DCAF1: variants seen among roughly 807,000 people sequenced by gnomAD.
The protein encoded by DCAF1 is DDB1- and CUL4-associated factor 1.
Under a neutral mutation model 128.0 loss-of-function variants are expected in DCAF1, and 15 were observed. The ratio of observed to expected loss-of-function variants is 0.12; its 90% CI spans 0.08 to 0.18. DCAF1 has a LOEUF of 0.18. Among genes scored for constraint, DCAF1 ranks in the 10% least tolerant of loss-of-function variants. The pLI is 1.00. For missense variants in DCAF1, 988 were observed against 1,649.5 expected (o/e 0.60, Z 6.95); for synonymous variants, 610 against 603.0 (o/e 1.01, Z -0.17).
intron 23 of DCAF1, among the ~76,000 whole-genome samples, chr3:51,406,349 A>C (rs1553626628): frequency 1.3e-5 from 2 of 151,046 alleles, no homozygotes; most frequent in Non-Finnish European, 1.5e-5. Flanking sequence ...TCTCAAAAAA[A>C]AAAAAAAAAA....
At chr3:51,414,178 C>T in intron 19 of DCAF1, 135 bp from the exon 20 acceptor site, 2 of 1,198,888 alleles carry the variant, frequency 1.7e-6, no homozygotes, top group Non-Finnish European at 2.2e-6. Flanking sequence ...CAAGGTAAAA[C>T]AAATACATGT....
downstream of DCAF1, chr3:51,396,872 TCAGTACCAG>T (rs1429378821): frequency 1.2e-5 from 2 of 167,076 alleles, no homozygotes; most frequent in Non-Finnish European, 2.9e-5. Flanking sequence ...TCTGATGCCA[TCAGTACCAG>T]CAGTCAGACT....
At chr3:51,457,344 G>A (rs937038604) in intron 6 of DCAF1, among the ~76,000 whole-genome samples, 8 of 152,056 alleles carry the variant, frequency 5.3e-5, no homozygotes, top group African/African-American at 1.2e-4. Context: ...GAAATGAAGC[G>A]AGAAGAGAAG....
chr3:51,481,128 T>C (rs1480233972), intron 3 of DCAF1, among the ~76,000 whole-genome samples: 1 of 152,180 alleles, frequency 6.6e-6, no homozygotes, highest in African/African-American at 2.4e-5. Context: ...TATGCATTGA[T>C]TTCTTACTTT....
downstream of DCAF1, chr3:51,396,550 G>A (rs1553623032): frequency 6.0e-6 from 1 of 167,104 alleles, no homozygotes. Context: ...TTCAGGCCCT[G>A]TCTAAGGTGT....
chr3:51,487,778 C>T (rs1411236434), intron 2 of DCAF1, among the ~76,000 whole-genome samples: 1 of 152,024 alleles, frequency 6.6e-6, no homozygotes, highest in Non-Finnish European at 1.5e-5. Context: ...TGGGCTCAAG[C>T]AATCTTCCTG....
At chr3:51,438,498 T>C (rs949886462) in intron 9 of DCAF1, among the ~76,000 whole-genome samples, 7 of 152,020 alleles carry the variant, frequency 4.6e-5, no homozygotes, top group East Asian at 1.9e-4. Flanking sequence ...TGAAGTTGAA[T>C]TGTAAAGTCT....
In DCAF1 at chr3:51,414,702, G is replaced by A. The variant is rs1698724908; in HGVS notation, c.3759C>T (p.His1253=). The part of the protein sequence containing the change: ...LWDVRSAQAI[H]KFDKFNMNIS... The stretch of plus-strand genomic sequence containing the variant: ...TGTTCATATTGAACTTGTCAAACTT[G>A]TGGATGGCCTGTGCAGAGCGGACAT... Residue 1253 remains histidine, a synonymous_variant, in exon 19 of 25, where the codon CAC becomes CAT. Coordinates refer to ENST00000684031, the MANE Select transcript of DCAF1 (RefSeq NM_001387579.1). The A allele has an allele frequency of 1.2e-6, 2 of 1,613,978 alleles. No homozygotes were observed. Among genetic ancestry groups the A allele is most frequent in the Non-Finnish European group, 1.7e-6 (2 of 1,179,900 alleles).
chr3:51,462,522 G>T (rs1216193713), intron 6 of DCAF1, among the ~76,000 whole-genome samples: 2 of 152,096 alleles, frequency 1.3e-5, no homozygotes, highest in Non-Finnish European at 2.9e-5. Context: ...GAGGCAGGTG[G>T]ATCACCTGAG....
At position 51,422,331 on chromosome 3, in the gene DCAF1, C is replaced by T. The variant is rs1553632759; in HGVS notation, c.1948G>A (p.Ala650Thr). Residue 650 changes from alanine (A) to threonine (T), a missense_variant, in exon 14 of 25, where the codon GCT becomes ACT. Ala to Thr is a moderately conservative substitution (Grantham distance 58). Coordinates refer to ENST00000684031, the MANE Select transcript of DCAF1 (RefSeq NM_001387579.1). ...CCTACAGTAGAGACTGTAGATCCAG[C>T]CTCATCCAACACGTCCACTGATTCT... ...LAESVDVLDE[A>T]GSTVSTVGIS... The T allele has an allele frequency of 3.9e-6, 3 of 766,394 alleles. No homozygotes were observed. Among genetic ancestry groups the T allele is most frequent in the Non-Finnish European group, 7.3e-6 (3 of 411,320 alleles). The allele number at this position is 766,394 out of a possible 1,614,324, so 47.5% of individuals were successfully genotyped here. A position where few individuals can be genotyped will look rare whatever the true frequency, so the allele number is the denominator to read the frequency against.
chr3:51,399,682 G>GT (rs1451122100), intron 24 of DCAF1, among the ~76,000 whole-genome samples: 1 of 149,660 alleles, frequency 6.7e-6, no homozygotes, highest in Non-Finnish European at 1.5e-5. Flanking sequence ...AAGAAACAGG[G>GT]TACCTAGCTT....
At chr3:51,424,806 T>C (rs1458271806) in intron 13 of DCAF1, among the ~76,000 whole-genome samples, 1 of 152,208 alleles carries the variant, frequency 6.6e-6, no homozygotes, top group Non-Finnish European at 1.5e-5. Flanking sequence ...TTATTATTTA[T>C]GAACACACAG....
intron 2 of DCAF1, among the ~76,000 whole-genome samples, chr3:51,486,820 G>C (rs1553655652): frequency 6.6e-6 from 1 of 151,720 alleles, no homozygotes; most frequent in Admixed American, 6.6e-5. Flanking sequence ...TTTTAGTAGA[G>C]ATAGAGTTTC....
At chr3:51,402,002 A>C (rs1470481026) in intron 24 of DCAF1, among the ~76,000 whole-genome samples, 1 of 151,288 alleles carries the variant, frequency 6.6e-6, no homozygotes, top group Non-Finnish European at 1.5e-5. Flanking sequence ...CAGCCTTGGT[A>C]AGAAGATTCA....
chr3:51,411,046 A>C (rs1698362384), intron 23 of DCAF1, among the ~76,000 whole-genome samples: 1 of 152,098 alleles, frequency 6.6e-6, no homozygotes, highest in Admixed American at 6.5e-5. Context: ...CTGTAATCCC[A>C]GCTACTCAGG....
chr3:51,399,129 C>A (rs1553624157), intron 24 of DCAF1, among the ~76,000 whole-genome samples: 9 of 152,202 alleles, frequency 5.9e-5, no homozygotes, highest in Non-Finnish European at 1.3e-4. Context: ...CCCCCCATGC[C>A]ACTTTAAATG....
At chr3:51,405,984 CG>C (rs1197127267) in intron 23 of DCAF1, among the ~76,000 whole-genome samples, 4 of 151,932 alleles carry the variant, frequency 2.6e-5, no homozygotes, top group Non-Finnish European at 5.9e-5. Context: ...CATTGAACTA[CG>C]ATTGTGCCAC....
At chr3:51,403,062 G>GC in intron 24 of DCAF1, 81 bp downstream of exon 24, 1 of 1,485,322 alleles carries the variant, frequency 6.7e-7, no homozygotes, top group Non-Finnish European at 8.9e-7. Context: ...GGTATGGCTT[G>GC]CCCTCTAAGT....
chr3:51,453,015 C>CAA lies in DCAF1; in HGVS notation c.376-9114_376-9113dup, dbSNP rs11415116. Among the ~76,000 whole-genome samples the CAA allele has an allele frequency of 1.5e-3, 163 of 109,196 alleles. 1 individual carries two copies. The highest frequency in any genetic ancestry group is 6.7e-3 in the Middle Eastern group (1 of 150). The allele number at this position is 109,196 out of a possible 152,430, so 71.6% of individuals were successfully genotyped here. ...TGGGCAACAGAGTGAGGCTCTGTCT[C>CAA]AAAAAAAAAAAAAAAATCTGTAATC... On this transcript the variant is annotated intron_variant, in intron 6 of 24. Coordinates refer to ENST00000684031, the MANE Select transcript of DCAF1 (RefSeq NM_001387579.1).
Sources: allele counts gnomAD v4.1 joint callset (sites outside exome capture counted in the v4.1 genomes callset), GRCh38; gene constraint gnomAD v4.1.1; transcripts MANE v1.5; gene names NCBI Gene and HGNC (gene_info 2026-07-23, HGNC 2026-07-21).